Variants in GRM7 observed in about 807,000 individuals in gnomAD.
GRM7 encodes glutamate metabotropic receptor 7.
In GRM7, 35 loss-of-function variants were observed where a neutral mutation model predicts 84.5. That is an observed-to-expected ratio of 0.41 (90% CI 0.32 to 0.55). The LOEUF (loss-of-function observed/expected upper bound fraction) is 0.55. GRM7 is among the 20% of genes least tolerant of loss of function. GRM7 has a pLI of 0.19. For synonymous variants in GRM7, 487 were observed against 455.1 expected, an observed-to-expected ratio of 1.07 and a Z score of -0.89; for missense variants, 1,003 against 1,194.6, an observed-to-expected ratio of 0.84 and a Z score of 2.36.
chr3:7,397,905 T>C (rs1256723016), intron 4 of GRM7, among the ~76,000 whole-genome samples: 1 of 152,074 alleles, frequency 6.6e-6, no homozygotes, highest in African/African-American at 2.4e-5. Context: ...CTGGCCACAG[T>C]GTTAATAGTG....
chr3:7,279,658 G>A (rs1005112903), intron 2 of GRM7, among the ~76,000 whole-genome samples: 2 of 152,170 alleles, frequency 1.3e-5, no homozygotes, highest in Non-Finnish European at 2.9e-5. Context: ...AAAAGAGTTG[G>A]TGAGGAGCTA....
At chr3:6,974,284 G>GA (rs578054828) in intron 1 of GRM7, among the ~76,000 whole-genome samples, 4 of 152,028 alleles carry the variant, frequency 2.6e-5, no homozygotes, top group South Asian at 2.1e-4. Flanking sequence ...GAGTTTTGGA[G>GA]AAAAAAAATT....
intron 2 of GRM7, among the ~76,000 whole-genome samples, chr3:7,236,127 G>A (rs747804674): frequency 1.3e-5 from 2 of 152,082 alleles, no homozygotes; most frequent in Non-Finnish European, 2.9e-5. Flanking sequence ...CTTTTATAAG[G>A]TCACTAATAC....
At chr3:7,035,475 A>G (rs1696354432) in intron 1 of GRM7, among the ~76,000 whole-genome samples, 1 of 152,120 alleles carries the variant, frequency 6.6e-6, no homozygotes. Context: ...GAGTGAGAGA[A>G]TACTATTTCA....
intron 7 of GRM7, among the ~76,000 whole-genome samples, chr3:7,490,069 A>G (rs1699465680): frequency 6.6e-6 from 1 of 152,118 alleles, no homozygotes; most frequent in Middle Eastern, 3.2e-3. Flanking sequence ...GAACACTTAT[A>G]CAATTATAAC....
intron 1 of GRM7, among the ~76,000 whole-genome samples, chr3:7,067,492 A>G (rs942440036): frequency 6.6e-6 from 1 of 152,080 alleles, no homozygotes; most frequent in Non-Finnish European, 1.5e-5. Flanking sequence ...CTCTACAAGG[A>G]AAACTACAAA....
intron 1 of GRM7, among the ~76,000 whole-genome samples, chr3:6,882,251 C>A (rs989087485): frequency 6.6e-6 from 1 of 152,032 alleles, no homozygotes; most frequent in African/African-American, 2.4e-5. Flanking sequence ...TTCTTTTGTA[C>A]AAATACTCTG....
intron 7 of GRM7, among the ~76,000 whole-genome samples, chr3:7,473,905 C>A (rs1698814293): frequency 6.6e-6 from 1 of 152,232 alleles, no homozygotes; most frequent in Middle Eastern, 3.4e-3. Context: ...GAATTTCTTA[C>A]AATAGTAAAA....
chr3:7,398,403 A>G (rs184395902), intron 4 of GRM7, among the ~76,000 whole-genome samples: 18 of 152,298 alleles, frequency 1.2e-4, no homozygotes, highest in Admixed American at 2.0e-4. Context: ...AACCAGGATG[A>G]ATGCACAGAA....
rs534895008 is a variant in GRM7 at position 7,356,253 on chromosome 3, C to T, written c.1033+49601C>T. Among the ~76,000 whole-genome samples the T allele has an allele frequency of 1.9e-4, 29 of 151,918 alleles. 2 individuals are homozygous for T. In the Middle Eastern group the frequency reaches 0.024, roughly 125 times the overall value. ...TGGGCAAAAGATGTGAAGGTATTTG[C>T]GTCCACATGAATGTTCATCAAAAGG... On this transcript the variant is annotated intron_variant, in intron 4 of 9. Transcript: ENST00000357716.
intron 2 of GRM7, among the ~76,000 whole-genome samples, chr3:7,192,509 C>G (rs749216372): frequency 8.5e-5 from 13 of 152,238 alleles, no homozygotes; most frequent in Non-Finnish European, 1.8e-4. Flanking sequence ...TTTCCTTCAA[C>G]TTGCTGTTCT....
intron 2 of GRM7, among the ~76,000 whole-genome samples, chr3:7,290,148 C>T (rs1254349281): frequency 6.6e-6 from 1 of 152,054 alleles, no homozygotes; most frequent in Admixed American, 6.6e-5. Context: ...TAAATGAATA[C>T]ATGAATCTAA....
At chr3:7,241,666 G>T (rs1234395214) in intron 2 of GRM7, among the ~76,000 whole-genome samples, 1 of 152,060 alleles carries the variant, frequency 6.6e-6, no homozygotes, top group African/African-American at 2.4e-5. Flanking sequence ...AAAAGAGACT[G>T]ACCGTTGATT....
chr3:7,177,427 C>T (rs934270058), intron 2 of GRM7, among the ~76,000 whole-genome samples: 7 of 151,218 alleles, frequency 4.6e-5, no homozygotes, highest in Admixed American at 2.0e-4. Context: ...CGCTTAATGA[C>T]GAAAGAGCAG....
At chr3:7,515,480 G>A (rs925649550) in intron 7 of GRM7, among the ~76,000 whole-genome samples, 1 of 152,138 alleles carries the variant, frequency 6.6e-6, no homozygotes, top group African/African-American at 2.4e-5. Flanking sequence ...GAGGAGCACT[G>A]TCCTGGTTCC....
At chr3:7,571,275 T>C (rs770326019) in intron 7 of GRM7, among the ~76,000 whole-genome samples, 1 of 152,220 alleles carries the variant, frequency 6.6e-6, no homozygotes, top group Non-Finnish European at 1.5e-5. Context: ...GATTTTCTTT[T>C]TTATTGCATT....
At chr3:7,543,066 A>G (rs376857519) in intron 7 of GRM7, among the ~76,000 whole-genome samples, 12 of 152,156 alleles carry the variant, frequency 7.9e-5, no homozygotes, top group East Asian at 5.8e-4. Context: ...GAATGGACGA[A>G]TGAATGAACA....
At chr3:7,730,463 T>C (rs73123753) in intron 9 of GRM7, among the ~76,000 whole-genome samples, 191 of 152,346 alleles carry the variant, frequency 1.3e-3, no homozygotes, top group African/African-American at 4.3e-3. Context: ...CAGATACATG[T>C]TGAATTGTAC....
At chr3:7,731,749 T>C (rs1292793467) in intron 9 of GRM7, among the ~76,000 whole-genome samples, 1 of 152,192 alleles carries the variant, frequency 6.6e-6, no homozygotes, top group East Asian at 1.9e-4. Flanking sequence ...AATTGTAGAC[T>C]GGCCTTTTGA....
Sources: allele counts gnomAD v4.1 joint callset (sites outside exome capture counted in the v4.1 genomes callset), GRCh38; gene constraint gnomAD v4.1.1; transcripts MANE v1.5; gene names NCBI Gene and HGNC (gene_info 2026-07-23, HGNC 2026-07-21).